DNAJC15: variants seen among roughly 807,000 people sequenced by gnomAD.
DNAJC15 encodes the protein dnaJ homolog subfamily C member 15.
In DNAJC15, 27 loss-of-function variants were observed where a neutral mutation model predicts 22.4. The ratio of observed to expected loss-of-function variants is 1.20; its 90% CI spans 0.89 to 1.66. The LOEUF (loss-of-function observed/expected upper bound fraction) is 1.66, where lower values mean the gene tolerates loss of function less well. Ranked by LOEUF, DNAJC15 falls within the 40% of genes most tolerant of loss-of-function variation. The pLI is 0.00. For missense variants in DNAJC15, 208 were observed against 187.1 expected (o/e 1.11, Z -0.65); for synonymous variants, 79 against 63.2 (o/e 1.25, Z -1.19).
At position 43,078,563 on chromosome 13, in the gene DNAJC15, C is replaced by T. The variant is rs750251189; in HGVS notation, c.235-49C>T. 2.0e-6 allele frequency: 3 copies of T among 1,483,296 alleles called. No individual in the cohort carries two copies. The South Asian group carries it at 3.5e-5, about 17-fold the overall frequency. The allele number at this position is 1,483,296 out of a possible 1,614,324, so 91.9% of individuals were successfully genotyped here. A position where few individuals can be genotyped will look rare whatever the true frequency, so the allele number is the denominator to read the frequency against. On this transcript the variant is annotated intron_variant, in intron 3 of 5. Transcript: ENST00000379221. ...CTACATGATGAGATTGAGGTCATGC[C>T]ACCTCATACGTGGAACTAATGATTT...
intron 1 of DNAJC15, among the ~76,000 whole-genome samples, chr13:43,061,139 TG>T: frequency 6.6e-6 from 1 of 152,198 alleles, no homozygotes; most frequent in Non-Finnish European, 1.5e-5. Context: ...TAACTTAACA[TG>T]GAAGAGGTTA....
intron 5 of DNAJC15, among the ~76,000 whole-genome samples, chr13:43,096,190 G>T (rs1039536039): frequency 1.3e-5 from 2 of 152,118 alleles, no homozygotes; most frequent in South Asian, 2.1e-4. Flanking sequence ...CAGAGATTTG[G>T]CAGTGTTTCA....
At chr13:43,088,574 A>G (rs1435651203) in intron 5 of DNAJC15, among the ~76,000 whole-genome samples, 6 of 152,232 alleles carry the variant, frequency 3.9e-5, no homozygotes, top group Non-Finnish European at 8.8e-5. Context: ...AACACGCAGT[A>G]TTCTCACACT....
At chr13:43,095,915 A>AT (rs1225303702) in intron 5 of DNAJC15, among the ~76,000 whole-genome samples, 2 of 152,288 alleles carry the variant, frequency 1.3e-5, no homozygotes, top group Non-Finnish European at 2.9e-5. Flanking sequence ...ATACACAACT[A>AT]TTTTGAGAAG....
At chr13:43,106,601 ATC>A (rs1364028517) in intron 5 of DNAJC15, among the ~76,000 whole-genome samples, 1 of 152,128 alleles carries the variant, frequency 6.6e-6, no homozygotes, top group Non-Finnish European at 1.5e-5. Flanking sequence ...CATTATTTTT[ATC>A]TCTCATTTAT....
At chr13:43,059,260 T>A (rs1478381925) in intron 1 of DNAJC15, among the ~76,000 whole-genome samples, 3 of 152,334 alleles carry the variant, frequency 2.0e-5, no homozygotes, top group Non-Finnish European at 4.4e-5. Context: ...AAGTTTTTAT[T>A]ACATTATTAT....
chr13:43,039,516 G>C (rs369956912), intron 1 of DNAJC15, among the ~76,000 whole-genome samples: 2 of 152,090 alleles, frequency 1.3e-5, no homozygotes, highest in Admixed American at 6.5e-5. Context: ...GGAGTCTCAG[G>C]GGGTGGAGAC....
chr13:43,073,982 A>G (rs2040621023), intron 3 of DNAJC15, among the ~76,000 whole-genome samples: 1 of 149,670 alleles, frequency 6.7e-6, no homozygotes, highest in Non-Finnish European at 1.5e-5. Flanking sequence ...GAGGCTTTGA[A>G]TTTTCTATTT....
intron 5 of DNAJC15, among the ~76,000 whole-genome samples, chr13:43,098,346 T>C (rs2040751293): frequency 6.6e-6 from 1 of 152,190 alleles, no homozygotes; most frequent in Non-Finnish European, 1.5e-5. Flanking sequence ...GAAAAAGTGA[T>C]GTGCAGATAG....
In DNAJC15 at chr13:43,113,227, A is replaced by G. The variant is rs1052483672; in HGVS notation, c.*5979A>G. The G allele has an allele frequency of 2.0e-5, 3 of 152,366 alleles. No homozygotes were observed. Among genetic ancestry groups the G allele is most frequent in the African/African-American group, 7.2e-5 (3 of 41,582 alleles). The allele number at this position is 152,366 out of a possible 1,614,324, so 9.4% of individuals were successfully genotyped here. ...CAGTGTATTAAAGATGAAAACAAGA[A>G]AACCGAATATATTGAAAGGAGCAGA... On this transcript the variant is annotated 3_prime_UTR_variant, in exon 6 of 6. Coordinates refer to ENST00000379221, the MANE Select transcript of DNAJC15 (RefSeq NM_013238.3).
rs1319843015 is a variant in DNAJC15, at chr13:43,111,853, T to G, written c.*4605T>G. ...CAACCCAAAGAGCAAATCCTATTAA[T>G]GGCTGGATCAGTATCATCTACTTGT... On this transcript the variant is annotated 3_prime_UTR_variant, in exon 6 of 6. Coordinates refer to ENST00000379221, the MANE Select transcript of DNAJC15 (RefSeq NM_013238.3). 1 of 152,238 alleles carries G rather than the reference T, an allele frequency of 6.6e-6. No individual in the cohort carries two copies. Among genetic ancestry groups the G allele is most frequent in the African/African-American group, 2.4e-5 (1 of 41,472 alleles). The allele number at this position is 152,238 out of a possible 1,614,324, so 9.4% of individuals were successfully genotyped here. A position where few individuals can be genotyped will look rare whatever the true frequency, so the allele number is the denominator to read the frequency against.
rs757979800 is a variant in DNAJC15 at position 43,107,234 on chromosome 13, A to G, written c.439A>G (p.Thr147Ala). ...TGAAGCAAAAGACTTGCTAGAAACAACCACCAAACATTGATGCTTAAGGAC... is the reference window on the plus strand; with the variant it reads ...TGAAGCAAAAGACTTGCTAGAAACAGCCACCAAACATTGATGCTTAAGGAC... ...INEAKDLLET[T>A]TKH Residue 147 changes from threonine (T) to alanine (A), a missense_variant, in exon 6 of 6, where the codon ACC (threonine) becomes GCC (alanine). Coordinates refer to ENST00000379221, the MANE Select transcript of DNAJC15 (RefSeq NM_013238.3). 4.4e-6 allele frequency: 7 copies of G among 1,592,030 alleles called. No homozygotes were observed. The highest frequency in any genetic ancestry group is 6.0e-6 in the Non-Finnish European group (7 of 1,170,762).
chr13:43,065,418 A>AT (rs1261084553), intron 1 of DNAJC15, among the ~76,000 whole-genome samples: 1 of 152,194 alleles, frequency 6.6e-6, no homozygotes, highest in Admixed American at 6.5e-5. Context: ...AATTATAGCA[A>AT]TAGGTAGTAT....
At chr13:43,058,894 T>C (rs926868114) in intron 1 of DNAJC15, among the ~76,000 whole-genome samples, 1 of 152,220 alleles carries the variant, frequency 6.6e-6, no homozygotes, top group African/African-American at 2.4e-5. Context: ...TCCTGGATTT[T>C]CAGGTTCCCC....
chr13:43,058,714 G>A (rs979436001), intron 1 of DNAJC15, among the ~76,000 whole-genome samples: 10 of 152,092 alleles, frequency 6.6e-5, no homozygotes, highest in African/African-American at 2.4e-4. Flanking sequence ...TTCTACCTGT[G>A]GTCCTTCCCT....
At chr13:43,075,791 T>A (rs1286821254) in intron 3 of DNAJC15, among the ~76,000 whole-genome samples, 3 of 152,022 alleles carry the variant, frequency 2.0e-5, no homozygotes, top group Admixed American at 6.6e-5. Context: ...GCCTCCAGAG[T>A]AGCTGGGATT....
At chr13:43,035,227 G>C (rs577213774) in intron 1 of DNAJC15, among the ~76,000 whole-genome samples, 2 of 152,108 alleles carry the variant, frequency 1.3e-5, no homozygotes, top group African/African-American at 4.8e-5. Flanking sequence ...AATGGAGGGA[G>C]GGTGCTAGGG....
intron 5 of DNAJC15, among the ~76,000 whole-genome samples, chr13:43,104,567 AAGATAC>A (rs984628868): frequency 6.6e-6 from 1 of 152,208 alleles, no homozygotes; most frequent in Non-Finnish European, 1.5e-5. Flanking sequence ...TAGAAGTACA[AAGATAC>A]AGAAATACTA....
intron 1 of DNAJC15, among the ~76,000 whole-genome samples, chr13:43,059,847 CGCGGG>C: frequency 2.0e-5 from 3 of 151,788 alleles, no homozygotes; most frequent in Non-Finnish European, 4.4e-5. Context: ...AGCAATGTTT[CGCGGG>C]CATGGGGTGG....
Sources: allele counts gnomAD v4.1 joint callset (sites outside exome capture counted in the v4.1 genomes callset), GRCh38; gene constraint gnomAD v4.1.1; transcripts MANE v1.5; gene names NCBI Gene and HGNC (gene_info 2026-07-23, HGNC 2026-07-21).